Variants in FOXP1 observed in about 807,000 individuals in gnomAD.
FOXP1 encodes forkhead box protein P1.
FOXP1 carries 15 observed loss-of-function variants against 98.2 expected under a neutral mutation model. The observed-to-expected ratio is 0.15, with a 90% CI of 0.10 to 0.24. The LOEUF (loss-of-function observed/expected upper bound fraction) is 0.24, where lower values mean the gene tolerates loss of function less well. Ranked by LOEUF, FOXP1 falls within the 10% of genes least tolerant of loss-of-function variation. FOXP1 has a pLI of 1.00. For synonymous variants in FOXP1, 371 were observed against 314.5 expected (o/e 1.18, Z -1.90); for missense variants, 633 against 848.5 (o/e 0.75, Z 3.15).
chr3:71,171,011 C>G (rs1426370703), intron 6 of FOXP1, among the ~76,000 whole-genome samples: 1 of 152,070 alleles, frequency 6.6e-6, no homozygotes, highest in Admixed American at 6.5e-5. Flanking sequence ...GATTCTTCAC[C>G]TAAAACTAAC....
At chr3:71,194,309 T>C (rs1419893912) in intron 6 of FOXP1, among the ~76,000 whole-genome samples, 1 of 151,772 alleles carries the variant, frequency 6.6e-6, no homozygotes, top group Non-Finnish European at 1.5e-5. Flanking sequence ...AACCTCATCA[T>C]TAAATGGAAT....
At chr3:71,223,617 C>G (rs2065582309) in intron 5 of FOXP1, among the ~76,000 whole-genome samples, 1 of 150,784 alleles carries the variant, frequency 6.6e-6, no homozygotes, top group African/African-American at 2.4e-5. Flanking sequence ...ATGGCCTGAA[C>G]CCAGGAGACG....
At chr3:71,168,389 T>G (rs925101366) in intron 6 of FOXP1, among the ~76,000 whole-genome samples, 2 of 152,332 alleles carry the variant, frequency 1.3e-5, no homozygotes, top group Non-Finnish European at 2.9e-5. Context: ...TTTTCACTAT[T>G]ATTAAACTGG....
chr3:70,988,381 C>T (rs1001692382), intron 13 of FOXP1, among the ~76,000 whole-genome samples: 6 of 152,194 alleles, frequency 3.9e-5, no homozygotes, highest in African/African-American at 1.4e-4. Flanking sequence ...TATTAACCAA[C>T]CTTATTCATG....
chr3:71,583,346 T>C (rs2048340800), intron 1 of FOXP1, among the ~76,000 whole-genome samples: 1 of 149,838 alleles, frequency 6.7e-6, no homozygotes, highest in South Asian at 2.1e-4. Flanking sequence ...ATCCCAGAGC[T>C]GGGCCTCGAC....
At chr3:71,516,278 G>A (rs1490359711) in intron 2 of FOXP1, among the ~76,000 whole-genome samples, 1 of 152,212 alleles carries the variant, frequency 6.6e-6, no homozygotes, top group Non-Finnish European at 1.5e-5. Flanking sequence ...AAAGCACAAT[G>A]CAAACGTGTG....
intron 3 of FOXP1, among the ~76,000 whole-genome samples, chr3:71,467,995 G>C (rs2088948297): frequency 6.6e-6 from 1 of 152,108 alleles, no homozygotes; most frequent in South Asian, 2.1e-4. Context: ...AATGGACTTG[G>C]AAAAGTAGAT....
At chr3:71,445,318 C>T (rs1482183942) in intron 3 of FOXP1, among the ~76,000 whole-genome samples, 2 of 152,168 alleles carry the variant, frequency 1.3e-5, no homozygotes, top group Non-Finnish European at 2.9e-5. Flanking sequence ...GAAACGAGTG[C>T]CACACACATC....
At chr3:71,033,602 C>CAAAAAAAAAAAAAAAAAA (rs35470748) in intron 11 of FOXP1, among the ~76,000 whole-genome samples, 1 of 70,640 alleles carries the variant, frequency 1.4e-5, no homozygotes, top group Non-Finnish European at 3.6e-5. Context: ...AGTGAACAGT[C>CAAAAAAAAAAAAAAAAAA]AAAAAAAAAA....
chr3:71,156,380 G>C (rs971340477), intron 6 of FOXP1, among the ~76,000 whole-genome samples: 14 of 152,136 alleles, frequency 9.2e-5, no homozygotes, highest in African/African-American at 3.4e-4. Flanking sequence ...AACATTGCCA[G>C]CCTCAAAGGC....
At chr3:71,136,327 T>C (rs2059819749) in intron 6 of FOXP1, among the ~76,000 whole-genome samples, 14 of 152,230 alleles carry the variant, frequency 9.2e-5, no homozygotes, top group Admixed American at 9.2e-4. Context: ...TCCTTTAGCA[T>C]AGTGTAAACT....
intron 5 of FOXP1, among the ~76,000 whole-genome samples, chr3:71,286,098 G>A (rs1475645636): frequency 2.0e-5 from 3 of 152,172 alleles, no homozygotes; most frequent in African/African-American, 7.2e-5. Context: ...GTTACCTAAT[G>A]TCAGTCACTT....
intron 11 of FOXP1, among the ~76,000 whole-genome samples, chr3:71,032,289 G>C (rs974045807): frequency 6.6e-6 from 1 of 152,248 alleles, no homozygotes; most frequent in Non-Finnish European, 1.5e-5. Flanking sequence ...TGTCTGTGCA[G>C]TGGCACTGAG....
At chr3:71,425,996 C>T (rs1483564790) in intron 3 of FOXP1, among the ~76,000 whole-genome samples, 1 of 152,190 alleles carries the variant, frequency 6.6e-6, no homozygotes, top group African/African-American at 2.4e-5. Flanking sequence ...AACATGCTGG[C>T]TCATCCAGGT....
chr3:71,115,317 T>TTTTTTTTATTTATTTA (rs2058282183), intron 6 of FOXP1, among the ~76,000 whole-genome samples: 1 of 144,124 alleles, frequency 6.9e-6, no homozygotes, highest in Non-Finnish European at 1.5e-5. Flanking sequence ...ATTATTATTA[T>TTTTTTTTATTTATTTA]TTTATTTATT....
At chr3:71,029,349 G>T (rs1005103979) in intron 11 of FOXP1, among the ~76,000 whole-genome samples, 8 of 152,220 alleles carry the variant, frequency 5.3e-5, no homozygotes, top group Admixed American at 1.3e-4. Context: ...TGAGGCAGAT[G>T]TAGGGGGAAC....
intron 2 of FOXP1, among the ~76,000 whole-genome samples, chr3:71,515,826 T>C (rs537560643): frequency 2.5e-4 from 38 of 152,270 alleles, no homozygotes; most frequent in Admixed American, 1.3e-3. Flanking sequence ...CTAAGGAAAG[T>C]TGCTAAAACA....
chr3:71,020,660 C>T (rs1317985733), intron 11 of FOXP1, among the ~76,000 whole-genome samples: 2 of 152,330 alleles, frequency 1.3e-5, no homozygotes, highest in Non-Finnish European at 2.9e-5. Context: ...ACCTTGCTAT[C>T]TGCCAAGCCA....
intron 4 of FOXP1, among the ~76,000 whole-genome samples, chr3:71,346,805 T>C (rs1015600239): frequency 1.3e-4 from 20 of 152,220 alleles, no homozygotes; most frequent in African/African-American, 4.8e-4. Flanking sequence ...AAAAAATTAA[T>C]GAGGCCGAGG....
Sources: gnomAD v4.1 joint callset for allele counts (sites outside exome capture counted in the v4.1 genomes callset) on GRCh38, gnomAD v4.1.1 for gene constraint, MANE v1.5 for transcripts, NCBI Gene and HGNC (gene_info 2026-07-23, HGNC 2026-07-21) for gene names.